ZDHHC11B: variants seen among roughly 807,000 people sequenced by gnomAD.
ZDHHC11B encodes the protein zDHHC palmitoyltransferase 11B (putative), also known as probable palmitoyltransferase ZDHHC11B.
Under a neutral mutation model 42.3 loss-of-function variants are expected in ZDHHC11B, and 17 were observed. The ratio of observed to expected loss-of-function variants is 0.40; its 90% CI spans 0.27 to 0.60. ZDHHC11B has a LOEUF of 0.60. Among genes scored for constraint, ZDHHC11B ranks in the 20% least tolerant of loss-of-function variants. The probability of loss-of-function intolerance (pLI) is 0.41; values close to 1 mark genes in which losing one functional copy is unlikely to be tolerated. For synonymous variants in ZDHHC11B, 123 were observed against 193.5 expected, an observed-to-expected ratio of 0.64 and a Z score of 3.02; for missense variants, 262 against 463.2, an observed-to-expected ratio of 0.57 and a Z score of 3.99.
At chr5:777,903 C>T (rs918950775) in intron 1 of ZDHHC11B, among the ~76,000 whole-genome samples, 1 of 151,264 alleles carries the variant, frequency 6.6e-6, no homozygotes, top group East Asian at 1.9e-4. Flanking sequence ...ACCGAGGGAG[C>T]CCGGGGCGGG....
At chr5:777,586 T>C (rs1330312145) in intron 1 of ZDHHC11B, among the ~76,000 whole-genome samples, 1 of 151,960 alleles carries the variant, frequency 6.6e-6, no homozygotes, top group East Asian at 1.9e-4. Context: ...TTTTATTCCG[T>C]TATCTGACCC....
At chr5:742,226 C>G (rs1161277936) in intron 9 of ZDHHC11B, among the ~76,000 whole-genome samples, 1 of 139,648 alleles carries the variant, frequency 7.2e-6, no homozygotes, top group Non-Finnish European at 1.5e-5. Flanking sequence ...TCAAGCAATC[C>G]TCTTGCTTGG....
chr5:740,919 T>G (rs1453918916), intron 10 of ZDHHC11B, among the ~76,000 whole-genome samples: 1 of 117,602 alleles, frequency 8.5e-6, no homozygotes, highest in East Asian at 3.0e-4. Flanking sequence ...ATATTTTCTT[T>G]GAATAAAACT....
rs548376869 is a variant in ZDHHC11B at position 744,087 on chromosome 5, G to A, written c.900+1096C>T. Among the ~76,000 whole-genome samples, 8 of 149,986 alleles carry A rather than the reference G, an allele frequency of 5.3e-5. 1 individual carries two copies. The South Asian group carries it at 1.5e-3, about 29-fold the overall frequency. ...CTTTTCTGCATTGATTGGCATGATT[G>A]CGTGGTTACCGTTCTCTATTGGACT... On this transcript the variant is annotated intron_variant, in intron 9 of 13. Transcript: ENST00000508859.
In ZDHHC11B at chr5:764,756, G is replaced by T. The variant is rs189617975; in HGVS notation, c.222+1942C>A. ...GCTGAGGAGTGCGGGCACATGGCAC[G>T]GGACTGGCAGGCAGCTCCACCTGCC... is the stretch of plus-strand genomic sequence containing the variant. On this transcript the variant is annotated intron_variant, in intron 4 of 13. Coordinates refer to ENST00000508859, the MANE Select transcript of ZDHHC11B (RefSeq NM_001351303.2). Among the ~76,000 whole-genome samples the T allele has an allele frequency of 1.8e-3, 273 of 151,912 alleles. 1 individual carries two copies. Among genetic ancestry groups the T allele is most frequent in the African/African-American group, 6.4e-3 (264 of 41,334 alleles).
In ZDHHC11B at chr5:745,549, C is replaced by T. The variant is rs6890692; in HGVS notation, c.785-251G>A. Among the ~76,000 whole-genome samples, 106 of 149,196 alleles carry T rather than the reference C, an allele frequency of 7.1e-4. 1 individual carries two copies. The highest frequency in any genetic ancestry group is 2.5e-3 in the Admixed American group (37 of 14,760). On this transcript the variant is annotated intron_variant, in intron 8 of 13. Transcript: ENST00000508859. ...CCTGGGGAACGGTGCTGACTCAGGC[C>T]CCCCCGCCTGCCAAGGCCTCATTGA...
At chr5:775,994 G>T (rs1736445257) in intron 1 of ZDHHC11B, among the ~76,000 whole-genome samples, 1 of 147,720 alleles carries the variant, frequency 6.8e-6, no homozygotes, top group African/African-American at 2.5e-5. Context: ...TCTCTCCATG[G>T]GCAGATTCCC....
rs1482335476 is a variant in ZDHHC11B at position 779,228 on chromosome 5, G to A, written c.-230+5440C>T. Among the ~76,000 whole-genome samples, 1,040 of 150,970 alleles carry A rather than the reference G, an allele frequency of 6.9e-3. 6 individuals are homozygous for A. The highest frequency in any genetic ancestry group is 0.024 in the African/African-American group (970 of 40,532). On this transcript the variant is annotated intron_variant, in intron 1 of 13. Coordinates refer to ENST00000508859, the MANE Select transcript of ZDHHC11B (RefSeq NM_001351303.2). ...GAAGAGGCAGGGAGCGTCCCACCAA[G>A]CCTCCAGAGGAAGCTGACTCATGAG...
chr5:775,342 C>A (rs1459103863), intron 1 of ZDHHC11B, among the ~76,000 whole-genome samples: 4 of 152,040 alleles, frequency 2.6e-5, no homozygotes, highest in African/African-American at 9.6e-5. Context: ...TCTCCTCATC[C>A]TTGAAGGGGT....
At chr5:770,093 A>C (rs1394374337) in intron 1 of ZDHHC11B, among the ~76,000 whole-genome samples, 4 of 151,570 alleles carry the variant, frequency 2.6e-5, no homozygotes, top group Admixed American at 2.0e-4. Flanking sequence ...CAGCTTTGGC[A>C]GGCTTGGCCT....
At chr5:723,702 G>T (rs1200809864) in intron 12 of ZDHHC11B, among the ~76,000 whole-genome samples, 1 of 111,584 alleles carries the variant, frequency 9.0e-6, no homozygotes, top group East Asian at 2.3e-4. Context: ...CTCAGTGATT[G>T]TGGCCACTGG....
At chr5:756,850 G>A (rs1243236993) in intron 4 of ZDHHC11B, among the ~76,000 whole-genome samples, 1 of 151,560 alleles carries the variant, frequency 6.6e-6, no homozygotes, top group African/African-American at 2.4e-5. Flanking sequence ...ACTTGCTCAG[G>A]GAAACACCCC....
chr5:767,234 G>C (rs1735563485), intron 3 of ZDHHC11B, 158 bp downstream of exon 3: 4 of 953,458 alleles, frequency 4.2e-6, no homozygotes, highest in Admixed American at 2.5e-5. Flanking sequence ...TGGCAGACCT[G>C]GGTGGATGAC....
At chr5:776,810 A>C (rs1160896781) in intron 1 of ZDHHC11B, among the ~76,000 whole-genome samples, 1 of 151,610 alleles carries the variant, frequency 6.6e-6, no homozygotes, top group African/African-American at 2.4e-5. Flanking sequence ...CTCAGGTCCC[A>C]TTCCTTATTT....
chr5:769,865 G>C (rs1364788497), intron 1 of ZDHHC11B, among the ~76,000 whole-genome samples: 3 of 152,104 alleles, frequency 2.0e-5, no homozygotes, highest in East Asian at 3.9e-4. Flanking sequence ...CCTGATGCTA[G>C]TGAGGTTTGG....
chr5:728,899 G>A (rs1742792120), intron 12 of ZDHHC11B, among the ~76,000 whole-genome samples: 1 of 151,788 alleles, frequency 6.6e-6, no homozygotes, highest in Non-Finnish European at 1.5e-5. Flanking sequence ...TGTGGTCCCA[G>A]CTACTTGGGA....
At chr5:749,347 A>G (rs1325658045) in intron 7 of ZDHHC11B, among the ~76,000 whole-genome samples, 1 of 130,650 alleles carries the variant, frequency 7.7e-6, no homozygotes, top group Non-Finnish European at 1.7e-5. Context: ...GCAGAATGGC[A>G]GAGGGCCAGG....
intron 3 of ZDHHC11B, 34 bp from the exon 4 acceptor site, chr5:766,953 C>T (rs1167944302): frequency 6.2e-7 from 1 of 1,603,284 alleles, no homozygotes; most frequent in African/African-American, 1.3e-5. Flanking sequence ...CCTGCGCCAT[C>T]AGCTCCGGGG....
intron 13 of ZDHHC11B, among the ~76,000 whole-genome samples, chr5:713,064 C>A (rs1415034606): frequency 1.3e-5 from 2 of 150,998 alleles, no homozygotes; most frequent in East Asian, 1.9e-4. Flanking sequence ...TTGGCAAATT[C>A]TCAGCCAAAT....
Sources: allele counts gnomAD v4.1 joint callset (sites outside exome capture counted in the v4.1 genomes callset), GRCh38; gene constraint gnomAD v4.1.1; transcripts MANE v1.5; gene names NCBI Gene and HGNC (gene_info 2026-07-23, HGNC 2026-07-21).